Variants in XPNPEP3 observed in about 807,000 individuals in gnomAD.
The protein encoded by XPNPEP3 is X-prolyl aminopeptidase 3.
XPNPEP3 carries 41 observed loss-of-function variants against 60.0 expected under a neutral mutation model. That is an observed-to-expected ratio of 0.68 (90% CI 0.53 to 0.89). The LOEUF is 0.89. Among genes scored for constraint, XPNPEP3 ranks in the 40% least tolerant of loss-of-function variants. XPNPEP3 has a pLI of 0.00. For synonymous variants in XPNPEP3, 212 were observed against 223.2 expected (o/e 0.95, Z 0.45); for missense variants, 598 against 638.9 (o/e 0.94, Z 0.69).
chr22:40,864,270 T>C (rs1414727899), intron 1 of XPNPEP3, among the ~76,000 whole-genome samples: 1 of 152,162 alleles, frequency 6.6e-6, no homozygotes, highest in African/African-American at 2.4e-5. Context: ...GGTGGGAGTG[T>C]AGCAGTGAGG....
At chr22:40,876,414 T>C (rs1337048012) in intron 2 of XPNPEP3, among the ~76,000 whole-genome samples, 3 of 152,264 alleles carry the variant, frequency 2.0e-5, no homozygotes, top group Non-Finnish European at 2.9e-5. Flanking sequence ...AGTGTTACGT[T>C]TTAAGTGTTT....
Position 40,886,452 on chromosome 22 carries a change from C to T in XPNPEP3, c.729C>T (p.Leu243=), listed in dbSNP as rs2058069012. The change falls in exon 4 of 10, where the codon CTC becomes CTT. Residue 243 remains leucine (L), a synonymous_variant. Coordinates refer to ENST00000357137, the MANE Select transcript of XPNPEP3 (RefSeq NM_022098.4). ...VRGVQQLIQR[L]RLIKSPAEIE... is the part of the protein sequence containing the mutation. ...GTGTTCAGCAGCTGATACAGCGCCTCCGGCTGATCAAGTCTCCTGCAGAAA... is the reference window on the plus strand; with the variant it reads ...GTGTTCAGCAGCTGATACAGCGCCTTCGGCTGATCAAGTCTCCTGCAGAAA... 1.2e-6 allele frequency: 2 copies of T among 1,614,010 alleles called. No homozygotes were observed. Among genetic ancestry groups the T allele is most frequent in the South Asian group, 1.1e-5 (1 of 91,084 alleles).
rs1178088764 is a variant in XPNPEP3, at chr22:40,924,409, G to A, written c.1284G>A (p.Met428Ile). 7 of 1,614,062 alleles carry A rather than the reference G, an allele frequency of 4.3e-6. No individual in the cohort carries two copies. The highest frequency in any genetic ancestry group is 5.9e-6 in the Non-Finnish European group (7 of 1,180,034). Residue 428 changes from methionine to isoleucine, a missense_variant, in exon 9 of 10, where the codon ATG (methionine) becomes ATA (isoleucine). Transcript: ENST00000357137. ...CPHHVGHYLG[M>I]DVHDTPDMPR... ...ATCATGTTGGCCACTACCTCGGGATGGATGTCCATGACACTCCAGACATGC... is the reference window on the plus strand; with the variant it reads ...ATCATGTTGGCCACTACCTCGGGATAGATGTCCATGACACTCCAGACATGC...
intron 6 of XPNPEP3, among the ~76,000 whole-genome samples, chr22:40,909,981 A>G (rs977825398): frequency 2.3e-4 from 35 of 152,098 alleles, no homozygotes; most frequent in Middle Eastern, 6.8e-3. Context: ...GCTGTGAGGG[A>G]ACATATCTTC....
chr22:40,861,514 C>G, intron 1 of XPNPEP3: 1 of 1,614,074 alleles, frequency 6.2e-7, no homozygotes, highest in Non-Finnish European at 8.5e-7. Context: ...CCCAATGAAC[C>G]CTGTGATGTA....
chr22:40,881,126 A>G (rs1373948446), intron 2 of XPNPEP3, among the ~76,000 whole-genome samples: 1 of 151,680 alleles, frequency 6.6e-6, no homozygotes, highest in Non-Finnish European at 1.5e-5. Context: ...GCTCACTGCA[A>G]CCTCCACCTC....
intron 4 of XPNPEP3, chr22:40,907,006 T>A: frequency 4.4e-6 from 2 of 454,930 alleles, no homozygotes; most frequent in Non-Finnish European, 4.4e-6. Flanking sequence ...GGCAGAGCCC[T>A]CGTGATTTAA....
chr22:40,895,570 G>A (rs1238818932), intron 4 of XPNPEP3, among the ~76,000 whole-genome samples: 1 of 151,856 alleles, frequency 6.6e-6, no homozygotes, highest in Non-Finnish European at 1.5e-5. Flanking sequence ...GCTGACCTCA[G>A]GTGATCCACC....
chr22:40,896,300 A>G (rs899672557), intron 4 of XPNPEP3, among the ~76,000 whole-genome samples: 1 of 152,020 alleles, frequency 6.6e-6, no homozygotes, highest in Non-Finnish European at 1.5e-5. Flanking sequence ...AAGTGCTGGG[A>G]TTACAGGCAA....
intron 1 of XPNPEP3, among the ~76,000 whole-genome samples, chr22:40,864,568 G>A (rs1044643902): frequency 4.6e-5 from 7 of 151,792 alleles, no homozygotes; most frequent in Admixed American, 6.6e-5. Flanking sequence ...GCCTCAGCCC[G>A]CTGAGTAGCT....
At chr22:40,874,065 A>T (rs1464105721) in intron 2 of XPNPEP3, among the ~76,000 whole-genome samples, 1 of 152,168 alleles carries the variant, frequency 6.6e-6, no homozygotes, top group African/African-American at 2.4e-5. Flanking sequence ...CTAAAAGACA[A>T]AGCTTATTTT....
Position 40,921,903 on chromosome 22 carries a change from T to C in XPNPEP3, c.1056-430T>C, listed in dbSNP as rs184226530. On this transcript the variant is annotated intron_variant, in intron 7 of 9. Coordinates refer to ENST00000357137, the MANE Select transcript of XPNPEP3 (RefSeq NM_022098.4). The stretch of plus-strand genomic sequence containing the variant: ...CACTTAAGTGCTAGTACATTACTAG[T>C]AGCCCAGATGTTGACTAGTTTATCC... 4.6e-4 allele frequency among the ~76,000 whole-genome samples: 70 copies of C among 152,234 alleles called. 1 individual carries two copies. The East Asian group carries it at 0.013, about 28-fold the overall frequency.
intron 1 of XPNPEP3, among the ~76,000 whole-genome samples, chr22:40,865,076 C>T (rs2057971568): frequency 1.3e-5 from 2 of 152,166 alleles, no homozygotes; most frequent in South Asian, 4.1e-4. Context: ...TTTGTTGATC[C>T]TTTGCCTCCC....
chr22:40,894,391 A>G (rs1328649328), intron 4 of XPNPEP3, among the ~76,000 whole-genome samples: 1 of 152,080 alleles, frequency 6.6e-6, no homozygotes, highest in African/African-American at 2.4e-5. Flanking sequence ...AAATTTTTTT[A>G]TTTATGTATA....
intron 4 of XPNPEP3, among the ~76,000 whole-genome samples, chr22:40,898,182 TTTC>T (rs2146262710): frequency 6.6e-6 from 1 of 150,420 alleles, no homozygotes; most frequent in South Asian, 2.1e-4. Context: ...TCCCCTATGT[TTTC>T]TTCTAAGAGT....
At chr22:40,877,313 C>T (rs1225403400) in intron 2 of XPNPEP3, among the ~76,000 whole-genome samples, 1 of 152,084 alleles carries the variant, frequency 6.6e-6, no homozygotes, top group African/African-American at 2.4e-5. Context: ...TTATATGCTG[C>T]GAAAACTACC....
intron 2 of XPNPEP3, among the ~76,000 whole-genome samples, chr22:40,879,901 C>T (rs1302103665): frequency 6.6e-6 from 1 of 151,614 alleles, no homozygotes; most frequent in East Asian, 1.9e-4. Context: ...GTGGCTCACG[C>T]CTGTAATCCC....
chr22:40,860,456 T>C (rs1042132024), intron 1 of XPNPEP3: 9 of 378,956 alleles, frequency 2.4e-5, no homozygotes, highest in African/African-American at 1.9e-4. Flanking sequence ...CATCAAATGC[T>C]GTTCCTCCAT....
chr22:40,880,690 C>T (rs928033077), intron 2 of XPNPEP3, among the ~76,000 whole-genome samples: 1 of 151,252 alleles, frequency 6.6e-6, no homozygotes, highest in Non-Finnish European at 1.5e-5. Context: ...GGGCCGGGCA[C>T]GATGGCTTAC....
Sources: gnomAD v4.1 joint callset for allele counts (sites outside exome capture counted in the v4.1 genomes callset) on GRCh38, gnomAD v4.1.1 for gene constraint, MANE v1.5 for transcripts, NCBI Gene and HGNC (gene_info 2026-07-23, HGNC 2026-07-21) for gene names.